RILP: variants seen among roughly 807,000 people sequenced by gnomAD.
The protein encoded by RILP is rab-interacting lysosomal protein.
A neutral mutation model predicts 40.0 loss-of-function variants in RILP; 53 were observed. The ratio of observed to expected loss-of-function variants is 1.32; its 90% CI spans 1.06 to 1.66. The LOEUF (loss-of-function observed/expected upper bound fraction) is 1.66, where lower values mean the gene tolerates loss of function less well. Among genes scored for constraint, RILP ranks in the 40% most tolerant of loss-of-function variants. The pLI is 0.00. For synonymous variants in RILP, 272 were observed against 250.6 expected (o/e 1.09, Z -0.80); for missense variants, 626 against 551.7 (o/e 1.13, Z -1.35).
In RILP at chr17:1,649,704, G is replaced by A; in HGVS notation, c.101C>T (p.Ala34Val). The part of the protein sequence containing the change: ...AAELVYHLAG[A>V]LGTELQDLAR... ...CAGATCCTGCAGCTCAGTGCCCAGGGCCCCGGCTAGATGGTACACAAGCTC... is the reference window on the plus strand; with the variant it reads ...CAGATCCTGCAGCTCAGTGCCCAGGACCCCGGCTAGATGGTACACAAGCTC... The change falls in exon 1 of 8, where the codon GCC (alanine) becomes GTC (valine). Residue 34 changes from alanine (A) to valine (V), a missense_variant. Transcript: ENST00000301336. This position sits in a 1 kb window ranked among gnomAD's most constrained non-coding sequence, Gnocchi z 4.3. 1 of 1,591,668 alleles carries A rather than the reference G, an allele frequency of 6.3e-7. No homozygotes were observed. The highest frequency in any genetic ancestry group is 8.5e-7 in the Non-Finnish European group (1 of 1,176,550).
rs539378970 is a variant in RILP at position 1,648,921 on chromosome 17, C to T, written c.553G>A (p.Ala185Thr). Residue 185 changes from alanine (A) to threonine (T), a missense_variant, in exon 4 of 8, where the codon GCC (alanine) becomes ACC (threonine). Coordinates refer to ENST00000301336, the MANE Select transcript of RILP (RefSeq NM_031430.3). This position sits in a 1 kb window ranked among gnomAD's most constrained non-coding sequence, Gnocchi z 4.9. ...CGCTCTTTAGCCTGCGGAGTCGCGG[C>T]TTCGCCAGGCTGCTGGCGCTCCCTC... ...RERERQQPGE[A>T]ATPQAKERAR... 12 of 1,521,840 alleles carry T rather than the reference C, an allele frequency of 7.9e-6. No individual in the cohort carries two copies. The African/African-American group carries it at 9.8e-5, about 12-fold the overall frequency. The allele number at this position is 1,521,840 out of a possible 1,614,324, so 94.3% of individuals were successfully genotyped here.
rs755001670 is a variant in RILP, at chr17:1,646,872, C to T, written c.1028+34G>A. ...ACCAGCCAGGGCCCTTCCTCCCTCC[C>T]CACACTCTTGCCTTTCCCCTTTCCC... On this transcript the variant is annotated intron_variant, in intron 7 of 7. Coordinates refer to ENST00000301336, the MANE Select transcript of RILP (RefSeq NM_031430.3). The surrounding 1 kb of genome is among the most constrained non-coding windows in gnomAD (Gnocchi z 4.3). 2.7e-6 allele frequency: 4 copies of T among 1,499,338 alleles called. No individual in the cohort carries two copies. In the Admixed American group the frequency reaches 7.8e-5, roughly 29 times the overall value. The allele number at this position is 1,499,338 out of a possible 1,614,324, so 92.9% of individuals were successfully genotyped here.
rs534679791 is a variant in RILP at position 1,648,502 on chromosome 17, AAGGAC to A, written c.676-12_676-8del. ...GCTGCTGCGCGGCCTCCGCCTTTGG[AAGGAC>A]AGGCACAGTCAGAGGGTCGCCTCGG... On this transcript the variant is annotated splice_region_variant and splice_polypyrimidine_tract_variant and intron_variant, in intron 4 of 7. Coordinates refer to ENST00000301336, the MANE Select transcript of RILP (RefSeq NM_031430.3). The surrounding 1 kb of genome is among the most constrained non-coding windows in gnomAD (Gnocchi z 4.9). 213 of 1,612,222 alleles carry A rather than the reference AAGGAC, an allele frequency of 1.3e-4. No individual in the cohort carries two copies. In the African/African-American group the frequency reaches 2.5e-3, roughly 19 times the overall value.
rs1163370136 is a variant in RILP at position 1,649,505 on chromosome 17, G to A, written c.229C>T (p.Leu77=). The A allele has an allele frequency of 2.0e-6, 3 of 1,509,522 alleles. No homozygotes were observed. The highest frequency in any genetic ancestry group is 1.2e-5 in the South Asian group (1 of 81,458). 93.5% of individuals were successfully genotyped at this position (1,509,522 alleles called of 1,614,324 possible). A position where few individuals can be genotyped will look rare whatever the true frequency, so the allele number is the denominator to read the frequency against. Residue 77 remains leucine, a splice_region_variant and synonymous_variant, in exon 2 of 8, where the codon CTG becomes TTG. Transcript: ENST00000301336. This position sits in a 1 kb window ranked among gnomAD's most constrained non-coding sequence, Gnocchi z 4.3. ...QAAVGPAPDS[L]QVSAQPAEQE... ...TCCGCCGGCTGCGCCGACACCTGCA[G>A]CTGGGGAGACCCGGGTCTCAGGCTT...
At position 1,646,457 on chromosome 17, in the gene RILP, G is replaced by A. The variant is rs368151611; in HGVS notation, c.1191C>T (p.Ala397=). Residue 397 remains alanine (A), a synonymous_variant, in exon 8 of 8, where the codon GCC becomes GCT. Coordinates refer to ENST00000301336, the MANE Select transcript of RILP (RefSeq NM_031430.3). The surrounding 1 kb of genome is among the most constrained non-coding windows in gnomAD (Gnocchi z 4.3). The part of the protein sequence containing the change: ...LHEHLCLGAS[A]APEA ...GACCCCTAAGTCAGGCCTCTGGGGCGGCTGAGGCCCCCAGACAAAGGTGTT... is the reference window on the plus strand; with the variant it reads ...GACCCCTAAGTCAGGCCTCTGGGGCAGCTGAGGCCCCCAGACAAAGGTGTT... 49 of 1,585,434 alleles carry A rather than the reference G, an allele frequency of 3.1e-5. No individual in the cohort carries two copies. Among genetic ancestry groups the A allele is most frequent in the African/African-American group, 5.4e-5 (4 of 73,894 alleles).
In RILP at chr17:1,646,905, C is replaced by T. The variant is rs772839965; in HGVS notation, c.1028+1G>A. The T allele has an allele frequency of 1.6e-5, 25 of 1,592,546 alleles. No individual in the cohort carries two copies. Among genetic ancestry groups the T allele is most frequent in the East Asian group, 4.5e-5 (2 of 44,470 alleles). On this transcript the variant is annotated splice_donor_variant, in intron 7 of 7. Coordinates refer to ENST00000301336, the MANE Select transcript of RILP (RefSeq NM_031430.3). LOFTEE classifies it high-confidence loss of function. This position sits in a 1 kb window ranked among gnomAD's most constrained non-coding sequence, Gnocchi z 4.3. ...TTGCCTTTCCCCTTTCCCCAACATA[C>T]AAACTCTGTATTTTGGACTCCGGGG...
rs534151615 is a variant in RILP at position 1,648,406 on chromosome 17, C to A, written c.765G>T (p.Arg255=). Residue 255 remains arginine (R), a synonymous_variant, in exon 5 of 8, where the codon CGG becomes CGT. Transcript: ENST00000301336. This position sits in a 1 kb window ranked among gnomAD's most constrained non-coding sequence, Gnocchi z 4.9. ...REEFEQILQE[R]NELKAKVFLL... Reference sequence around the variant, plus strand: ...GGAACACTTTGGCTTTGAGTTCATTCCGCTCCTGAAGGATCTGCTCAAACT... The same window carrying A: ...GGAACACTTTGGCTTTGAGTTCATTACGCTCCTGAAGGATCTGCTCAAACT... 21 of 1,614,038 alleles carry A rather than the reference C, an allele frequency of 1.3e-5. No individual in the cohort carries two copies. Among genetic ancestry groups the A allele is most frequent in the Non-Finnish European group, 1.8e-5 (21 of 1,180,028 alleles).
In RILP at chr17:1,646,811, A is replaced by T. The variant is rs1910607634; in HGVS notation, c.1028+95T>A. On this transcript the variant is annotated intron_variant, in intron 7 of 7. Transcript: ENST00000301336. The surrounding 1 kb of genome is among the most constrained non-coding windows in gnomAD (Gnocchi z 4.3). ...GCTTAGAGCCAAGCACAGCAGGGTG[A>T]CGGGCAGAGAAGCGGGAAAGGGGAT... 1 of 1,105,824 alleles carries T rather than the reference A, an allele frequency of 9.0e-7. No homozygotes were observed. Among genetic ancestry groups the T allele is most frequent in the African/African-American group, 1.6e-5 (1 of 63,652 alleles). 68.5% of individuals were successfully genotyped at this position (1,105,824 alleles called of 1,614,324 possible).
At chr17:1,647,801 G>C in intron 6 of RILP, 34 bp downstream of exon 6, 9 of 1,613,254 alleles carry the variant, frequency 5.6e-6, no homozygotes, top group Non-Finnish European at 6.8e-6. Context: ...AGGGAGGGAG[G>C]CCTGGCTCCG....
rs1050470586 is a variant in RILP, at chr17:1,649,336, G to T, written c.323-30C>A. The T allele has an allele frequency of 4.7e-5, 70 of 1,488,428 alleles. No homozygotes were observed. The highest frequency in any genetic ancestry group is 6.1e-5 in the Non-Finnish European group (69 of 1,125,678). 92.2% of individuals were successfully genotyped at this position (1,488,428 alleles called of 1,614,324 possible). The stretch of plus-strand genomic sequence containing the variant: ...GGAAGGGGCGTTCTTAGCGGCGGCG[G>T]CGCGCGGCCCGCGGGAGGGAGGGGA... On this transcript the variant is annotated intron_variant, in intron 2 of 7. Transcript: ENST00000301336. The surrounding 1 kb of genome is among the most constrained non-coding windows in gnomAD (Gnocchi z 4.3).
chr17:1,648,357 A>G lies in RILP; in HGVS notation c.814T>C (p.Phe272Leu), dbSNP rs1326750886. ...GCTTCCCAGCGTCCTCACCGCTGGA[A>G]GTAGGCCAGTTCCTCCTTGAGCAGG... is the stretch of plus-strand genomic sequence containing the variant. Reference protein sequence around the residue: ...VFLLKEELAYFQRELLTDHRV... With the variant: ...VFLLKEELAYLQRELLTDHRV... The change falls in exon 5 of 8, where the codon TTC (phenylalanine) becomes CTC (leucine). Residue 272 changes from phenylalanine (F) to leucine (L), a missense_variant. Coordinates refer to ENST00000301336, the MANE Select transcript of RILP (RefSeq NM_031430.3). The surrounding 1 kb of genome is among the most constrained non-coding windows in gnomAD (Gnocchi z 4.9). The G allele has an allele frequency of 1.2e-6, 2 of 1,613,488 alleles. No homozygotes were observed. Among genetic ancestry groups the G allele is most frequent in the East Asian group, 2.2e-5 (1 of 44,872 alleles).
chr17:1,647,844 G>T lies in RILP; in HGVS notation c.935C>A (p.Ala312Glu), dbSNP rs1910704134. ...GCAGGCAGGGACCTACCTGCTCTCTGCTTCCTCTGGTGTCCCTAACATCTT... is the reference window on the plus strand; with the variant it reads ...GCAGGCAGGGACCTACCTGCTCTCTTCTTCCTCTGGTGTCCCTAACATCTT... ...KAKMLGTPEEAESSEDEAGPW... is the reference protein window; with the variant it reads ...KAKMLGTPEEEESSEDEAGPW... Residue 312 changes from alanine (A) to glutamate (E), a missense_variant, in exon 6 of 8, where the codon GCA becomes GAA. Transcript: ENST00000301336. 6.2e-7 allele frequency: 1 copy of T among 1,614,132 alleles called. No homozygotes were observed. The highest frequency in any genetic ancestry group is 2.2e-5 in the East Asian group (1 of 44,882).
In RILP at chr17:1,649,416, T is replaced by C. The variant is rs2151106910; in HGVS notation, c.318A>G (p.Pro106=). Residue 106 remains proline (P), a synonymous_variant, in exon 2 of 8, where the codon CCA becomes CCG. Coordinates refer to ENST00000301336, the MANE Select transcript of RILP (RefSeq NM_031430.3). This position sits in a 1 kb window ranked among gnomAD's most constrained non-coding sequence, Gnocchi z 4.3. The part of the protein sequence containing the change: ...ERLRRELRAG[P]QEERALLRQL... ...CCTGGCCGGGGCTGCGCTTACCCTG[T>C]GGCCCCGCGCGCAGCTCCCTGCGGA... 3 of 1,506,754 alleles carry C rather than the reference T, an allele frequency of 2.0e-6. No homozygotes were observed. Among genetic ancestry groups the C allele is most frequent in the Non-Finnish European group, 2.6e-6 (3 of 1,135,258 alleles). The allele number at this position is 1,506,754 out of a possible 1,614,324, so 93.3% of individuals were successfully genotyped here.
In RILP at chr17:1,649,254, G is replaced by A; in HGVS notation, c.375C>T (p.Asp125=). 6.6e-7 allele frequency: 1 copy of A among 1,505,696 alleles called. No homozygotes were observed. The highest frequency in any genetic ancestry group is 1.2e-5 in the South Asian group (1 of 81,110). 93.3% of individuals were successfully genotyped at this position (1,505,696 alleles called of 1,614,324 possible). ...GGTCGCGGTTGTGCGCCCGGAGTTC[G>A]TCCCGCTGTCGGTCCGTGACCTCCT... ...QLKEVTDRQR[D]ELRAHNRDLR... is the part of the protein sequence containing the mutation. The change falls in exon 3 of 8, where the codon GAC becomes GAT. Residue 125 remains aspartate (D), a synonymous_variant. Coordinates refer to ENST00000301336, the MANE Select transcript of RILP (RefSeq NM_031430.3). The surrounding 1 kb of genome is among the most constrained non-coding windows in gnomAD (Gnocchi z 4.3).
rs1302435746 is a variant in RILP at position 1,648,284 on chromosome 17, G to C, written c.821+66C>G. 9 of 1,566,014 alleles carry C rather than the reference G, an allele frequency of 5.7e-6. No homozygotes were observed. The highest frequency in any genetic ancestry group is 1.9e-5 in the Admixed American group (1 of 53,954). On this transcript the variant is annotated intron_variant, in intron 5 of 7. Coordinates refer to ENST00000301336, the MANE Select transcript of RILP (RefSeq NM_031430.3). The surrounding 1 kb of genome is among the most constrained non-coding windows in gnomAD (Gnocchi z 4.9). ...CGCAGGCCTGGCACATGTCACTGTG[G>C]ACATGTCAATGACTGGAGAATGAGG...
chr17:1,649,504 A>G lies in RILP; in HGVS notation c.230T>C (p.Leu77Pro). The G allele has an allele frequency of 6.6e-7, 1 of 1,508,698 alleles. No individual in the cohort carries two copies. Among genetic ancestry groups the G allele is most frequent in the Non-Finnish European group, 8.8e-7 (1 of 1,136,322 alleles). 93.5% of individuals were successfully genotyped at this position (1,508,698 alleles called of 1,614,324 possible). ...CTCCGCCGGCTGCGCCGACACCTGC[A>G]GCTGGGGAGACCCGGGTCTCAGGCT... is the stretch of plus-strand genomic sequence containing the variant. ...QAAVGPAPDSLQVSAQPAEQE... is the reference protein window; with the variant it reads ...QAAVGPAPDSPQVSAQPAEQE... Residue 77 changes from leucine to proline, a missense_variant and splice_region_variant, in exon 2 of 8, where the codon CTG (leucine) becomes CCG (proline). By Grantham distance (98) the Leu-to-Pro change is moderately conservative. Coordinates refer to ENST00000301336, the MANE Select transcript of RILP (RefSeq NM_031430.3). The surrounding 1 kb of genome is among the most constrained non-coding windows in gnomAD (Gnocchi z 4.3).
At position 1,649,124 on chromosome 17, in the gene RILP, C is replaced by T; in HGVS notation, c.429+76G>A. The T allele has an allele frequency of 8.3e-7, 1 of 1,199,138 alleles. No homozygotes were observed. Among genetic ancestry groups the T allele is most frequent in the Non-Finnish European group, 1.0e-6 (1 of 957,040 alleles). 74.3% of individuals were successfully genotyped at this position (1,199,138 alleles called of 1,614,324 possible). Reference sequence around the variant, plus strand: ...CCGCCCAGCGCCTGCCTCGCTCCGCCCCCGCCCCCGGAGCCCCGCCCAGCG... The same window carrying T: ...CCGCCCAGCGCCTGCCTCGCTCCGCTCCCGCCCCCGGAGCCCCGCCCAGCG... On this transcript the variant is annotated intron_variant, in intron 3 of 7. Transcript: ENST00000301336. The surrounding 1 kb of genome is among the most constrained non-coding windows in gnomAD (Gnocchi z 4.3).
In RILP at chr17:1,649,216, C is replaced by G. The variant is rs781271119; in HGVS notation, c.413G>C (p.Gly138Ala). ...CGCCCTCACCGCCTCGGTCTCCTGG[C>G]CGCGCTGCCGCAGGTCGCGGTTGTG... is the stretch of plus-strand genomic sequence containing the variant. ...RAHNRDLRQRGQETEALQEQL... is the reference protein window; with the variant it reads ...RAHNRDLRQRAQETEALQEQL... The change falls in exon 3 of 8, where the codon GGC becomes GCC. Residue 138 changes from glycine to alanine, a missense_variant. Gly to Ala is a moderately conservative substitution (Grantham distance 60, BLOSUM62 0). Coordinates refer to ENST00000301336, the MANE Select transcript of RILP (RefSeq NM_031430.3). The surrounding 1 kb of genome is among the most constrained non-coding windows in gnomAD (Gnocchi z 4.3). 10 of 1,346,620 alleles carry G rather than the reference C, an allele frequency of 7.4e-6. No individual in the cohort carries two copies. The South Asian group carries it at 1.3e-4, about 17-fold the overall frequency. The allele number at this position is 1,346,620 out of a possible 1,614,324, so 83.4% of individuals were successfully genotyped here.
chr17:1,649,094 G>A lies in RILP; in HGVS notation c.430-50C>T, dbSNP rs112932904. Reference sequence around the variant, plus strand: ...TGGGCGGGGCACCGAGGGCCCCCCGGAGCCCCGCCCAGCGCCTGCCTCGCT... The same window carrying A: ...TGGGCGGGGCACCGAGGGCCCCCCGAAGCCCCGCCCAGCGCCTGCCTCGCT... On this transcript the variant is annotated intron_variant, in intron 3 of 7. Coordinates refer to ENST00000301336, the MANE Select transcript of RILP (RefSeq NM_031430.3). The surrounding 1 kb of genome is among the most constrained non-coding windows in gnomAD (Gnocchi z 4.3). 3 of 1,185,066 alleles carry A rather than the reference G, an allele frequency of 2.5e-6. No homozygotes were observed. Among genetic ancestry groups the A allele is most frequent in the Non-Finnish European group, 3.2e-6 (3 of 949,648 alleles). The allele number at this position is 1,185,066 out of a possible 1,614,324, so 73.4% of individuals were successfully genotyped here.
Sources: allele counts gnomAD v4.1 joint callset, GRCh38; gene constraint gnomAD v4.1.1; non-coding constraint Gnocchi (gnomAD v3.1); transcripts MANE v1.5; gene names NCBI Gene and HGNC (gene_info 2026-07-23, HGNC 2026-07-21).